CNBD1: variants seen among roughly 807,000 people sequenced by gnomAD.
The protein encoded by CNBD1 is cyclic nucleotide binding domain containing 1, also known as cyclic nucleotide-binding domain-containing protein 1.
A neutral mutation model predicts 54.4 loss-of-function variants in CNBD1; 71 were observed. The ratio of observed to expected loss-of-function variants is 1.30; its 90% CI spans 1.08 to 1.59. CNBD1 has a LOEUF of 1.59. CNBD1 is among the 40% of genes most tolerant of loss of function. The pLI is 0.00. For synonymous variants in CNBD1, 182 were observed against 170.7 expected (o/e 1.07, Z -0.51); for missense variants, 659 against 518.0 (o/e 1.27, Z -2.64).
intron 2 of CNBD1, among the ~76,000 whole-genome samples, chr8:87,392,318 A>T (rs1029737336): frequency 3.9e-5 from 6 of 152,032 alleles, no homozygotes; most frequent in Non-Finnish European, 8.8e-5. Context: ...ATCCAAGAGA[A>T]GTGAAAACAT....
intron 6 of CNBD1, among the ~76,000 whole-genome samples, chr8:87,276,821 T>G (rs570572629): frequency 1.4e-5 from 2 of 144,206 alleles, no homozygotes; most frequent in South Asian, 2.3e-4. Context: ...GCAAGCATCA[T>G]AAGGATAAAT....
At chr8:87,065,454 G>C (rs1418999862) in intron 4 of CNBD1, among the ~76,000 whole-genome samples, 1 of 151,972 alleles carries the variant, frequency 6.6e-6, no homozygotes, top group Non-Finnish European at 1.5e-5. Flanking sequence ...TCTTAATACA[G>C]TTTAAGGAAT....
chr8:87,227,115 A>G (rs181151305), intron 5 of CNBD1, among the ~76,000 whole-genome samples: 1,872 of 151,908 alleles, frequency 0.012, 56 homozygotes, highest in African/African-American at 0.043. Flanking sequence ...CCATCCTTTT[A>G]TTTTGAGCCC....
intron 8 of CNBD1, among the ~76,000 whole-genome samples, chr8:87,333,412 T>C (rs988872614): frequency 6.6e-6 from 1 of 152,170 alleles, no homozygotes. Context: ...CAATACTATG[T>C]TGAATAAGAG....
chr8:87,400,370 T>A (rs1029234886), intron 2 of CNBD1, among the ~76,000 whole-genome samples: 1 of 151,952 alleles, frequency 6.6e-6, no homozygotes, highest in Non-Finnish European at 1.5e-5. Context: ...ATGTGTAGAA[T>A]TGAATTCCTG....
chr8:87,295,852 A>G (rs1808866908), intron 8 of CNBD1, among the ~76,000 whole-genome samples: 1 of 152,160 alleles, frequency 6.6e-6, no homozygotes, highest in Admixed American at 6.5e-5. Context: ...TTCTCTAAGC[A>G]AACCAAATAT....
chr8:87,024,490 G>A (rs1421877803), intron 4 of CNBD1, among the ~76,000 whole-genome samples: 2 of 151,428 alleles, frequency 1.3e-5, no homozygotes, highest in South Asian at 2.1e-4. Flanking sequence ...ACAGATGTGT[G>A]CCACCATGCC....
chr8:87,346,767 A>G (rs1810183992), intron 8 of CNBD1, among the ~76,000 whole-genome samples: 1 of 152,200 alleles, frequency 6.6e-6, no homozygotes, highest in African/African-American at 2.4e-5. Flanking sequence ...GAAGCTTGGG[A>G]TAAGGTTAAT....
intron 4 of CNBD1, among the ~76,000 whole-genome samples, chr8:87,123,533 A>C (rs1163673637): frequency 2.0e-5 from 3 of 151,802 alleles, no homozygotes; most frequent in African/African-American, 7.2e-5. Flanking sequence ...CCTAATAAGG[A>C]CATTTATAGC....
intron 4 of CNBD1, among the ~76,000 whole-genome samples, chr8:86,989,500 G>A (rs1808692167): frequency 6.6e-6 from 1 of 151,810 alleles, no homozygotes; most frequent in African/African-American, 2.4e-5. Flanking sequence ...GCCCAGGCTA[G>A]AGTGCAGTGG....
intron 4 of CNBD1, among the ~76,000 whole-genome samples, chr8:87,099,693 T>A (rs1425036930): frequency 6.6e-6 from 1 of 152,154 alleles, no homozygotes; most frequent in East Asian, 1.9e-4. Flanking sequence ...AAATTCCCAA[T>A]AATAAGATAA....
At position 87,356,599 on chromosome 8, in the gene CNBD1, C is replaced by G. The variant is rs548176580; in HGVS notation, c.1303+2813C>G. Among the ~76,000 whole-genome samples the G allele has an allele frequency of 2.6e-4, 39 of 151,250 alleles. No homozygotes were observed. The South Asian group carries it at 5.2e-3, about 20-fold the overall frequency. On this transcript the variant is annotated intron_variant, in intron 10 of 10. Transcript: ENST00000518476. ...TAGTGTGGGTGCATCCAACAACGTA[C>G]AATCATATATGAGCATAAAAGATGA...
chr8:87,035,916 A>G (rs982970277), intron 4 of CNBD1, among the ~76,000 whole-genome samples: 1 of 152,180 alleles, frequency 6.6e-6, no homozygotes, highest in Non-Finnish European at 1.5e-5. Flanking sequence ...CAGAAAGAAG[A>G]ATGAGATGAA....
intron 6 of CNBD1, among the ~76,000 whole-genome samples, chr8:87,245,336 T>C (rs1332190799): frequency 6.6e-6 from 1 of 152,082 alleles, no homozygotes; most frequent in African/African-American, 2.4e-5. Flanking sequence ...TGTTTATTGG[T>C]ACATAGTAAG....
intron 2 of CNBD1, among the ~76,000 whole-genome samples, chr8:87,406,774 G>C (rs943992936): frequency 6.6e-6 from 1 of 151,916 alleles, no homozygotes; most frequent in African/African-American, 2.4e-5. Flanking sequence ...CACCGTGCCC[G>C]GCCCTCAGTT....
chr8:87,142,554 G>A (rs538114739), intron 4 of CNBD1, among the ~76,000 whole-genome samples: 14 of 152,108 alleles, frequency 9.2e-5, no homozygotes, highest in Non-Finnish European at 1.9e-4. Context: ...AGAATGTTTA[G>A]AAATAAAACA....
At chr8:87,426,499 T>G (rs866100641) in intron 2 of CNBD1, among the ~76,000 whole-genome samples, 10 of 152,232 alleles carry the variant, frequency 6.6e-5, no homozygotes, top group Admixed American at 5.2e-4. Flanking sequence ...TCTGCACAAT[T>G]CTGTGTTGTG....
At chr8:87,350,929 T>A (rs1810277093) in intron 8 of CNBD1, among the ~76,000 whole-genome samples, 3 of 152,156 alleles carry the variant, frequency 2.0e-5, no homozygotes, top group Admixed American at 2.0e-4. Flanking sequence ...CACCTTCAAA[T>A]GTATCTTGGC....
chr8:87,379,138 C>T (rs1175867125), intron 10 of CNBD1, among the ~76,000 whole-genome samples: 1 of 151,708 alleles, frequency 6.6e-6, no homozygotes, highest in Non-Finnish European at 1.5e-5. Flanking sequence ...TAATTGAATA[C>T]CCTTTATTTC....
Sources: allele counts gnomAD v4.1 joint callset (sites outside exome capture counted in the v4.1 genomes callset), GRCh38; gene constraint gnomAD v4.1.1; transcripts MANE v1.5; gene names NCBI Gene and HGNC (gene_info 2026-07-23, HGNC 2026-07-21).